Variants in TECR observed in about 807,000 individuals in gnomAD.
The protein encoded by TECR is trans-2,3-enoyl-CoA reductase.
Under a neutral mutation model 50.6 loss-of-function variants are expected in TECR, and 19 were observed. The observed-to-expected ratio is 0.38, with a 90% CI of 0.26 to 0.55. The LOEUF (loss-of-function observed/expected upper bound fraction) is 0.55, where lower values mean the gene tolerates loss of function less well. Ranked by LOEUF, TECR falls within the 20% of genes least tolerant of loss-of-function variation. The pLI, the probability that TECR is intolerant of heterozygous loss-of-function variation, is 0.79. For missense variants in TECR, 313 were observed against 408.3 expected, an observed-to-expected ratio of 0.77 and a Z score of 2.01; for synonymous variants, 168 against 163.5, an observed-to-expected ratio of 1.03 and a Z score of -0.21.
chr19:14,530,796 T>G (rs1490221552), intron 1 of TECR: 1 of 152,180 alleles, frequency 6.6e-6, no homozygotes, highest in Non-Finnish European at 1.5e-5. Context: ...ACATAAAATT[T>G]ACCATCTTGA....
At chr19:14,560,048 C>T (rs997820232) in intron 1 of TECR, among the ~76,000 whole-genome samples, 3 of 152,134 alleles carry the variant, frequency 2.0e-5, no homozygotes, top group East Asian at 3.9e-4. Context: ...CAGGTTTGGG[C>T]GTCTCCTCTC....
chr19:14,561,929 G>A (rs2073914117), intron 1 of TECR: 1 of 184,330 alleles, frequency 5.4e-6, no homozygotes, highest in Non-Finnish European at 1.1e-5. Context: ...GCTGGGGCCT[G>A]CACGGCCCGC....
intron 1 of TECR, among the ~76,000 whole-genome samples, chr19:14,540,456 G>A (rs910251453): frequency 1.3e-5 from 2 of 151,010 alleles, no homozygotes; most frequent in Admixed American, 6.6e-5. Context: ...GCAGTGGTGC[G>A]ATCTTGGCTC....
chr19:14,543,526 T>C (rs62125088), intron 1 of TECR, among the ~76,000 whole-genome samples: 1 of 131,264 alleles, frequency 7.6e-6, no homozygotes, highest in Non-Finnish European at 1.6e-5. Context: ...GCAAGCTCCG[T>C]CTCCCGGGTT....
At chr19:14,529,357 G>A (rs1266962035), upstream of TECR, 1 of 481,060 alleles carries the variant, frequency 2.1e-6, no homozygotes, top group East Asian at 3.7e-5. Context: ...AAAGGGACGC[G>A]CGGGGCAGAG....
At chr19:14,551,114 C>T (rs1350633701) in intron 1 of TECR, among the ~76,000 whole-genome samples, 1 of 151,894 alleles carries the variant, frequency 6.6e-6, no homozygotes, top group African/African-American at 2.4e-5. Flanking sequence ...CTTTGTCACC[C>T]AGGCTGGAGT....
chr19:14,558,686 CA>C (rs1330557752), intron 1 of TECR, among the ~76,000 whole-genome samples: 1 of 152,134 alleles, frequency 6.6e-6, no homozygotes, highest in Non-Finnish European at 1.5e-5. Flanking sequence ...TGCCCGTGGC[CA>C]GTGCTGGGAC....
chr19:14,528,778 T>TA (rs568467752), upstream of TECR, among the ~76,000 whole-genome samples: 931 of 151,266 alleles, frequency 6.2e-3, 11 homozygotes, highest in African/African-American at 0.021. Context: ...CCGTCTCTAC[T>TA]AAAAAAAATA....
intron 1 of TECR, chr19:14,530,303 T>C (rs1290384117): frequency 6.3e-6 from 1 of 158,040 alleles, no homozygotes; most frequent in Non-Finnish European, 1.4e-5. Context: ...AGAAATCTTA[T>C]ACCCACCCAC....
rs2072541840 is a variant in TECR at position 14,529,696 on chromosome 19, C to T, written c.-1C>T. On this transcript the variant is annotated 5_prime_UTR_variant, in exon 1 of 13. Coordinates refer to ENST00000215567, the MANE Select transcript of TECR (RefSeq NM_138501.6). ...AGCAGTAGCCGCCGTGGGAGGGAGC[C>T]ATGAAGCATTACGAGGTAAGAAGCG... 6.2e-7 allele frequency: 1 copy of T among 1,614,110 alleles called. No homozygotes were observed. Among genetic ancestry groups the T allele is most frequent in the South Asian group, 1.1e-5 (1 of 91,092 alleles).
At chr19:14,541,708 A>G (rs2073101931) in intron 1 of TECR, among the ~76,000 whole-genome samples, 2 of 151,760 alleles carry the variant, frequency 1.3e-5, no homozygotes, top group African/African-American at 4.8e-5. Flanking sequence ...GAGTTTGCAT[A>G]TGTCCCACGT....
At chr19:14,553,929 AC>A (rs1369960398) in intron 1 of TECR, among the ~76,000 whole-genome samples, 1 of 151,860 alleles carries the variant, frequency 6.6e-6, no homozygotes, top group Non-Finnish European at 1.5e-5. Flanking sequence ...CAGGGCTCGC[AC>A]CCCCAGCCAG....
At chr19:14,529,948 C>G in intron 1 of TECR, 1 of 609,976 alleles carries the variant, frequency 1.6e-6, no homozygotes, top group Non-Finnish European at 2.9e-6. Context: ...TCTTGGGGGT[C>G]TCTGCAGGGG....
intron 1 of TECR, among the ~76,000 whole-genome samples, chr19:14,543,403 ATATATATATATATATATTTTTTTTTTTT>A (rs2073172488): frequency 1.5e-3 from 15 of 9,792 alleles, no homozygotes; most frequent in African/African-American, 3.8e-3. Context: ...ATATATATAT[ATATATATATATATATATTTTTTTTTTTT>A]TTTTTTTTTT....
chr19:14,541,857 A>G (rs1003746363), intron 1 of TECR, among the ~76,000 whole-genome samples: 1 of 150,336 alleles, frequency 6.7e-6, no homozygotes, highest in African/African-American at 2.5e-5. Flanking sequence ...ATCTTGGGTC[A>G]CTGCAACCTT....
chr19:14,530,569 T>G (rs1308174139), intron 1 of TECR: 1 of 152,212 alleles, frequency 6.6e-6, no homozygotes, highest in Non-Finnish European at 1.5e-5. Flanking sequence ...AGAACTATTA[T>G]TATTCCTGTT....
At chr19:14,559,218 A>G (rs957564459) in intron 1 of TECR, among the ~76,000 whole-genome samples, 1 of 152,172 alleles carries the variant, frequency 6.6e-6, no homozygotes, top group Non-Finnish European at 1.5e-5. Flanking sequence ...CTAACCATTT[A>G]AAAGTGAACA....
chr19:14,529,675 G>T lies in TECR; in HGVS notation c.-22G>T. ...GTTAGGCAGCAGCAGCCGCGGAGCAGTAGCCGCCGTGGGAGGGAGCCATGA... is the reference window on the plus strand; with the variant it reads ...GTTAGGCAGCAGCAGCCGCGGAGCATTAGCCGCCGTGGGAGGGAGCCATGA... On this transcript the variant is annotated 5_prime_UTR_variant, in exon 1 of 13. Coordinates refer to ENST00000215567, the MANE Select transcript of TECR (RefSeq NM_138501.6). 1 of 1,613,850 alleles carries T rather than the reference G, an allele frequency of 6.2e-7. No individual in the cohort carries two copies. Among genetic ancestry groups the T allele is most frequent in the South Asian group, 1.1e-5 (1 of 91,088 alleles).
intron 1 of TECR, chr19:14,562,106 G>GC: frequency 2.0e-6 from 1 of 492,342 alleles, no homozygotes; most frequent in Non-Finnish European, 3.6e-6. Flanking sequence ...AGACTCCCAA[G>GC]CCCCCCTCAG....
Sources: gnomAD v4.1 joint callset for allele counts (sites outside exome capture counted in the v4.1 genomes callset) on GRCh38, gnomAD v4.1.1 for gene constraint, MANE v1.5 for transcripts, NCBI Gene and HGNC (gene_info 2026-07-23, HGNC 2026-07-21) for gene names.